The following AP1S3 variants were observed in gnomAD, a reference collection of about 807,000 sequenced individuals.
AP1S3 encodes AP-1 complex subunit sigma-3.
Under a neutral mutation model 20.9 loss-of-function variants are expected in AP1S3, and 10 were observed. The observed-to-expected ratio is 0.48, with a 90% CI of 0.29 to 0.81. AP1S3 has a LOEUF of 0.81. Among genes scored for constraint, AP1S3 ranks in the 30% least tolerant of loss-of-function variants. AP1S3 has a pLI of 0.08. For missense variants in AP1S3, 154 were observed against 183.8 expected, an observed-to-expected ratio of 0.84 and a Z score of 0.94; for synonymous variants, 41 against 61.5, an observed-to-expected ratio of 0.67 and a Z score of 1.56.
intron 1 of AP1S3, among the ~76,000 whole-genome samples, chr2:223,796,996 C>A (rs1574709639): frequency 6.6e-6 from 1 of 152,164 alleles, no homozygotes; most frequent in Non-Finnish European, 1.5e-5. Flanking sequence ...TGAGTGGCAG[C>A]AGCAGAATTT....
At chr2:223,772,033 G>T (rs1393657060) in intron 3 of AP1S3, among the ~76,000 whole-genome samples, 2 of 152,146 alleles carry the variant, frequency 1.3e-5, no homozygotes, top group Admixed American at 6.5e-5. Flanking sequence ...CTTGAACCCG[G>T]GAGGCGGAAG....
chr2:223,776,127 T>C, intron 2 of AP1S3, 118 bp from the exon 3 acceptor site: 1 of 749,906 alleles, frequency 1.3e-6, no homozygotes, highest in Non-Finnish European at 2.4e-6. Context: ...CATCCAAGAA[T>C]GAAATCATTA....
chr2:223,764,383 C>G (rs1167919988), intron 4 of AP1S3, among the ~76,000 whole-genome samples: 1 of 151,922 alleles, frequency 6.6e-6, no homozygotes, highest in African/African-American at 2.4e-5. Context: ...TTTGGGAGGG[C>G]AGAGGTCAGT....
chr2:223,835,470 C>A (rs1006590295), intron 1 of AP1S3, among the ~76,000 whole-genome samples: 1 of 152,132 alleles, frequency 6.6e-6, no homozygotes, highest in Non-Finnish European at 1.5e-5. Flanking sequence ...GCCTGGCCAA[C>A]ATGGCAAAAC....
chr2:223,785,106 C>T (rs1393996693), intron 1 of AP1S3, among the ~76,000 whole-genome samples: 7 of 152,058 alleles, frequency 4.6e-5, no homozygotes, highest in Admixed American at 2.0e-4. Context: ...TTTGGGAGGC[C>T]GAGGCGGGCA....
chr2:223,793,465 C>T (rs766554770), intron 1 of AP1S3, among the ~76,000 whole-genome samples: 8 of 152,034 alleles, frequency 5.3e-5, no homozygotes, highest in Non-Finnish European at 8.8e-5. Context: ...AGCAAACGAA[C>T]GCAGAAACAA....
chr2:223,780,357 A>AGTGTGTGTGTGTGTGTGT (rs57103665), intron 1 of AP1S3, among the ~76,000 whole-genome samples: 2 of 44,444 alleles, frequency 4.5e-5, no homozygotes, highest in African/African-American at 1.1e-4. Flanking sequence ...AGAGAGAGAG[A>AGTGTGTGTGTGTGTGTGT]GTGTGTGTGT....
In AP1S3 at chr2:223,831,598, A is replaced by C. The variant is rs560777234; in HGVS notation, c.3+5850T>G. On this transcript the variant is annotated intron_variant, in intron 1 of 4. Transcript: ENST00000396654. ...GAGTTTTCCTGGATACTTCAGGTTA[A>C]ACAGAGAAAGTATCGGGGAAAACTA... Among the ~76,000 whole-genome samples the C allele has an allele frequency of 5.3e-5, 8 of 152,298 alleles. No individual in the cohort carries two copies. The East Asian group carries it at 1.3e-3, about 26-fold the overall frequency.
intron 1 of AP1S3, among the ~76,000 whole-genome samples, chr2:223,805,316 A>G (rs1333924811): frequency 6.6e-6 from 1 of 152,072 alleles, no homozygotes; most frequent in African/African-American, 2.4e-5. Flanking sequence ...GGTAGCGGGC[A>G]CCTGTAATCC....
At chr2:223,793,062 T>TA (rs1256254793) in intron 1 of AP1S3, among the ~76,000 whole-genome samples, 1 of 151,776 alleles carries the variant, frequency 6.6e-6, no homozygotes, top group African/African-American at 2.4e-5. Context: ...TTATTAAAAG[T>TA]AAAAAACCAA....
intron 1 of AP1S3, among the ~76,000 whole-genome samples, chr2:223,836,459 G>A (rs1053161133): frequency 1.3e-5 from 2 of 152,146 alleles, no homozygotes; most frequent in African/African-American, 4.8e-5. Context: ...TGCACACCAT[G>A]CCGGGTGCAG....
At position 223,828,295 on chromosome 2, in the gene AP1S3, C is replaced by CTTTT. The variant is rs775000674; in HGVS notation, c.3+9149_3+9152dup. Among the ~76,000 whole-genome samples the CTTTT allele has an allele frequency of 7.8e-4, 103 of 131,390 alleles. 4 individuals are homozygous for CTTTT. The highest frequency in any genetic ancestry group is 2.4e-3 in the African/African-American group (85 of 35,476). 86.2% of individuals were successfully genotyped at this position (131,390 alleles called of 152,430 possible). A position where few individuals can be genotyped will look rare whatever the true frequency, so the allele number is the denominator to read the frequency against. ...CCCCTCACCACATTCTCCTCTCTCT[C>CTTTT]TTTTTTTTTTTTTTTTTTTGAGACA... On this transcript the variant is annotated intron_variant, in intron 1 of 4. Coordinates refer to ENST00000396654, the MANE Select transcript of AP1S3 (RefSeq NM_001039569.2).
At chr2:223,816,975 A>C (rs1691857412) in intron 1 of AP1S3, among the ~76,000 whole-genome samples, 1 of 152,110 alleles carries the variant, frequency 6.6e-6, no homozygotes, top group Non-Finnish European at 1.5e-5. Flanking sequence ...AAATACAAAC[A>C]TTAGCTAGGT....
chr2:223,812,544 G>A (rs1469691444), intron 1 of AP1S3, among the ~76,000 whole-genome samples: 1 of 152,084 alleles, frequency 6.6e-6, no homozygotes, highest in Non-Finnish European at 1.5e-5. Flanking sequence ...TTTATAAAAC[G>A]TCAGAGCAGT....
chr2:223,783,600 G>A (rs991398603), intron 1 of AP1S3, among the ~76,000 whole-genome samples: 6 of 152,312 alleles, frequency 3.9e-5, no homozygotes, highest in South Asian at 2.1e-4. Flanking sequence ...CTGAGTCTGC[G>A]CCCTGGCCGG....
chr2:223,834,183 TG>T (rs1413346214), intron 1 of AP1S3, among the ~76,000 whole-genome samples: 1 of 152,088 alleles, frequency 6.6e-6, no homozygotes, highest in African/African-American at 2.4e-5. Flanking sequence ...TTTGTTTATG[TG>T]GGTTATATCC....
chr2:223,755,529 A>ATTTTTTT lies in AP1S3; in HGVS notation c.*3179_*3185dup, dbSNP rs66977512. Among the ~76,000 whole-genome samples, 1 of 118,228 alleles carries ATTTTTTT rather than the reference A, an allele frequency of 8.5e-6. No individual in the cohort carries two copies. The highest frequency in any genetic ancestry group is 3.1e-5 in the African/African-American group (1 of 32,028). 77.6% of individuals were successfully genotyped at this position (118,228 alleles called of 152,430 possible). A position where few individuals can be genotyped will look rare whatever the true frequency, so the allele number is the denominator to read the frequency against. On this transcript the variant is annotated 3_prime_UTR_variant, in exon 5 of 5. Transcript: ENST00000396654. ...CATATAGATATGTTTACTTACTTTCATTTTTTTTTTTTTTTTTTTGAGACA... is the reference window on the plus strand; with the variant it reads ...CATATAGATATGTTTACTTACTTTCATTTTTTTTTTTTTTTTTTTTTTTTTTGAGACA...
Position 223,758,562 on chromosome 2 carries a change from T to C in AP1S3, c.*153A>G, listed in dbSNP as rs1690278790. 3.7e-6 allele frequency: 5 copies of C among 1,351,794 alleles called. No homozygotes were observed. Among genetic ancestry groups the C allele is most frequent in the Non-Finnish European group, 4.8e-6 (5 of 1,051,130 alleles). The allele number at this position is 1,351,794 out of a possible 1,614,324, so 83.7% of individuals were successfully genotyped here. A position where few individuals can be genotyped will look rare whatever the true frequency, so the allele number is the denominator to read the frequency against. ...TACAGACACATAGTAATTATAAATA[T>C]GTTAAACAACTTTAACTTTGTTAGT... On this transcript the variant is annotated 3_prime_UTR_variant, in exon 5 of 5. Coordinates refer to ENST00000396654, the MANE Select transcript of AP1S3 (RefSeq NM_001039569.2).
intron 1 of AP1S3, among the ~76,000 whole-genome samples, chr2:223,823,933 A>C (rs114514692): frequency 0.011 from 1,656 of 152,316 alleles, 25 homozygotes; most frequent in African/African-American, 0.038. Flanking sequence ...GCACACATTA[A>C]AGTGGCAGAG....
Sources: allele counts gnomAD v4.1 joint callset (sites outside exome capture counted in the v4.1 genomes callset), GRCh38; gene constraint gnomAD v4.1.1; transcripts MANE v1.5; gene names NCBI Gene and HGNC (gene_info 2026-07-23, HGNC 2026-07-21).